AUTS2: variants seen among roughly 807,000 people sequenced by gnomAD.
AUTS2 encodes the protein activator of transcription and developmental regulator AUTS2, also known as autism susceptibility gene 2 protein.
In AUTS2, 17 loss-of-function variants were observed where a neutral mutation model predicts 112.4. The ratio of observed to expected loss-of-function variants is 0.15; its 90% CI spans 0.10 to 0.23. AUTS2 has a LOEUF of 0.23. Ranked by LOEUF, AUTS2 falls within the 10% of genes least tolerant of loss-of-function variation. AUTS2 has a pLI of 1.00. For missense variants in AUTS2, 1,510 were observed against 1,701.6 expected, an observed-to-expected ratio of 0.89 and a Z score of 1.98; for synonymous variants, 751 against 702.7, an observed-to-expected ratio of 1.07 and a Z score of -1.09.
At chr7:70,211,535 G>T in intron 4 of AUTS2, among the ~76,000 whole-genome samples, 1 of 151,402 alleles carries the variant, frequency 6.6e-6, no homozygotes, top group East Asian at 1.9e-4. Flanking sequence ...TGTAGTCCCA[G>T]CTACTCGGAA....
At chr7:70,449,063 A>C (rs185364370) in intron 5 of AUTS2, among the ~76,000 whole-genome samples, 2 of 152,370 alleles carry the variant, frequency 1.3e-5, no homozygotes, top group East Asian at 3.9e-4. Context: ...TAAACTAACA[A>C]ATAATGAAAT....
chr7:70,126,889 C>T (rs1371220587), intron 3 of AUTS2, among the ~76,000 whole-genome samples: 2 of 152,050 alleles, frequency 1.3e-5, no homozygotes, highest in Non-Finnish European at 2.9e-5. Context: ...TGCAATGGTG[C>T]GATCTCGGCT....
chr7:70,040,913 C>T (rs1300017069), intron 2 of AUTS2, among the ~76,000 whole-genome samples: 3 of 152,156 alleles, frequency 2.0e-5, no homozygotes, highest in Non-Finnish European at 2.9e-5. Flanking sequence ...CTTTTTATAC[C>T]TCAACAATTA....
At chr7:69,943,527 T>G (rs1269032691) in intron 2 of AUTS2, among the ~76,000 whole-genome samples, 1 of 152,206 alleles carries the variant, frequency 6.6e-6, no homozygotes, top group East Asian at 1.9e-4. Flanking sequence ...ATTAAATACC[T>G]TAGTCATATT....
chr7:70,099,962 C>T (rs1804398825), intron 2 of AUTS2, among the ~76,000 whole-genome samples: 1 of 151,572 alleles, frequency 6.6e-6, no homozygotes, highest in Non-Finnish European at 1.5e-5. Context: ...ATATTGTTGG[C>T]AAGTAAAGCA....
intron 2 of AUTS2, among the ~76,000 whole-genome samples, chr7:70,083,036 TTCATAAAC>T (rs1415999001): frequency 6.6e-6 from 1 of 152,194 alleles, no homozygotes; most frequent in African/African-American, 2.4e-5. Flanking sequence ...TTCTTCAAAT[TTCATAAAC>T]TCGCTTACTT....
At position 69,832,250 on chromosome 7, in the gene AUTS2, T is replaced by C. The variant is rs893611177; in HGVS notation, c.310-67036T>C. Reference sequence around the variant, plus strand: ...CTTCTTTAATAACAACAGTGTTTCTTACCCTGGTCATCTATTGAGAAGTGT... The same window carrying C: ...CTTCTTTAATAACAACAGTGTTTCTCACCCTGGTCATCTATTGAGAAGTGT... On this transcript the variant is annotated intron_variant, in intron 1 of 18. Transcript: ENST00000342771. Among the ~76,000 whole-genome samples, 3 of 152,330 alleles carry C rather than the reference T, an allele frequency of 2.0e-5. No individual in the cohort carries two copies. The South Asian group carries it at 6.2e-4, about 32-fold the overall frequency.
At chr7:70,593,793 C>T (rs1032851867) in intron 5 of AUTS2, among the ~76,000 whole-genome samples, 1 of 152,162 alleles carries the variant, frequency 6.6e-6, no homozygotes, top group African/African-American at 2.4e-5. Context: ...GACTTGCTCC[C>T]CTCAAACTGT....
intron 4 of AUTS2, among the ~76,000 whole-genome samples, chr7:70,405,752 G>T (rs957184033): frequency 6.6e-5 from 10 of 152,184 alleles, no homozygotes; most frequent in African/African-American, 2.4e-4. Flanking sequence ...GCAGCTGAAG[G>T]CCTGCTCATA....
chr7:69,600,382 G>A (rs1655822074), intron 1 of AUTS2, among the ~76,000 whole-genome samples: 1 of 151,146 alleles, frequency 6.6e-6, no homozygotes, highest in Non-Finnish European at 1.5e-5. Context: ...GGACGGTTCT[G>A]TGTGCTTTCT....
At chr7:70,491,589 TTGTG>T (rs71077660) in intron 5 of AUTS2, among the ~76,000 whole-genome samples, 6,075 of 138,738 alleles carry the variant, frequency 0.044, 198 homozygotes, top group African/African-American at 0.082. Flanking sequence ...TGTATATATA[TTGTG>T]TGTGTGTGTG....
intron 1 of AUTS2, among the ~76,000 whole-genome samples, chr7:69,722,064 A>G (rs653929): frequency 0.95 from 143,680 of 151,830 alleles, 68,092 homozygotes; most frequent in East Asian, 1. Flanking sequence ...AAGAGGGAAG[A>G]TTATAGAGGG....
chr7:70,058,402 G>A (rs1802088561), intron 2 of AUTS2, among the ~76,000 whole-genome samples: 2 of 152,084 alleles, frequency 1.3e-5, no homozygotes, highest in South Asian at 4.1e-4. Flanking sequence ...AATTTCCCTG[G>A]AAAGTATGAA....
intron 1 of AUTS2, among the ~76,000 whole-genome samples, chr7:69,867,837 A>T (rs923098823): frequency 6.6e-6 from 1 of 152,190 alleles, no homozygotes; most frequent in South Asian, 2.1e-4. Flanking sequence ...AAATAGGCGC[A>T]GTGCCAGAAT....
chr7:70,521,934 A>T (rs1315010606), intron 5 of AUTS2, among the ~76,000 whole-genome samples: 3 of 152,218 alleles, frequency 2.0e-5, no homozygotes, highest in African/African-American at 7.2e-5. Context: ...CCCAGCTGAT[A>T]GGGCTATTGA....
chr7:69,849,391 G>A (rs1792357819), intron 1 of AUTS2, among the ~76,000 whole-genome samples: 1 of 152,162 alleles, frequency 6.6e-6, no homozygotes, highest in South Asian at 2.1e-4. Flanking sequence ...CAATATATGT[G>A]TATAGCTCTA....
intron 2 of AUTS2, among the ~76,000 whole-genome samples, chr7:69,907,866 T>C (rs1795208396): frequency 6.6e-6 from 1 of 152,242 alleles, no homozygotes; most frequent in Non-Finnish European, 1.5e-5. Context: ...CTCTTATGGC[T>C]GCCCCCAGCT....
chr7:70,229,851 C>T (rs1308551152), intron 4 of AUTS2, among the ~76,000 whole-genome samples: 2 of 152,092 alleles, frequency 1.3e-5, no homozygotes, highest in African/African-American at 4.8e-5. Flanking sequence ...TGGTGAGGTT[C>T]TCTAGTGAAT....
At chr7:70,117,309 A>G (rs940720671) in intron 2 of AUTS2, among the ~76,000 whole-genome samples, 2 of 152,140 alleles carry the variant, frequency 1.3e-5, no homozygotes, top group Admixed American at 6.5e-5. Context: ...TCAATTAACA[A>G]GATCATTAGG....
Sources: allele counts gnomAD v4.1 joint callset (sites outside exome capture counted in the v4.1 genomes callset), GRCh38; gene constraint gnomAD v4.1.1; transcripts MANE v1.5; gene names NCBI Gene and HGNC (gene_info 2026-07-23, HGNC 2026-07-21).